Variants in SYBU observed in about 807,000 individuals in gnomAD.
SYBU encodes the protein syntabulin.
Under a neutral mutation model 35.9 loss-of-function variants are expected in SYBU, and 21 were observed. That is an observed-to-expected ratio of 0.58 (90% CI 0.41 to 0.84). SYBU has a LOEUF of 0.84. Among genes scored for constraint, SYBU ranks in the 40% least tolerant of loss-of-function variants. The pLI, the probability that SYBU is intolerant of heterozygous loss-of-function variation, is 0.00. For synonymous variants in SYBU, 319 were observed against 324.3 expected (o/e 0.98, Z 0.18); for missense variants, 768 against 848.2 (o/e 0.91, Z 1.17).
In SYBU at chr8:109,618,749, A is replaced by G. The variant is rs1586848031; in HGVS notation, c.427+93T>C. On this transcript the variant is annotated intron_variant, in intron 3 of 6. Coordinates refer to ENST00000276646, the MANE Select transcript of SYBU (RefSeq NM_001099754.2). ...TTAGATGCTGGGTACGGTATTTGTG[A>G]TCCCCGACTCGATATACAGGTGTTT... The G allele has an allele frequency of 2.6e-6, 3 of 1,154,442 alleles. No individual in the cohort carries two copies. In the East Asian group the frequency reaches 7.1e-5, roughly 27 times the overall value. 71.5% of individuals were successfully genotyped at this position (1,154,442 alleles called of 1,614,324 possible).
chr8:109,630,942 CG>C (rs1472442577), intron 2 of SYBU, among the ~76,000 whole-genome samples: 2 of 152,114 alleles, frequency 1.3e-5, no homozygotes, highest in African/African-American at 4.8e-5. Context: ...GAACGCTCAG[CG>C]GGGCGGTTCA....
intron 3 of SYBU, among the ~76,000 whole-genome samples, chr8:109,594,638 C>G (rs145043257): frequency 1.3e-5 from 2 of 152,274 alleles, no homozygotes; most frequent in Admixed American, 1.3e-4. Flanking sequence ...ATCTTCTCAA[C>G]CCACAGGTTC....
chr8:109,656,104 A>G (rs1816343116), intron 1 of SYBU, among the ~76,000 whole-genome samples: 1 of 139,128 alleles, frequency 7.2e-6, no homozygotes. Flanking sequence ...CAACAGAGCG[A>G]GACTCCGTCT....
intron 3 of SYBU, among the ~76,000 whole-genome samples, chr8:109,610,463 C>T (rs1403112679): frequency 6.6e-6 from 1 of 152,174 alleles, no homozygotes; most frequent in African/African-American, 2.4e-5. Flanking sequence ...CTTTAGACTC[C>T]TTCAGAGCGT....
Position 109,626,254 on chromosome 8 carries a change from G to T in SYBU, c.230-7215C>A, listed in dbSNP as rs748657675. Reference sequence around the variant, plus strand: ...TCTATTCTGTCAAATCTCTCCATACGTTCCTTTGTGATTTCTTCCAATACT... The same window carrying T: ...TCTATTCTGTCAAATCTCTCCATACTTTCCTTTGTGATTTCTTCCAATACT... On this transcript the variant is annotated intron_variant, in intron 2 of 6. Coordinates refer to ENST00000276646, the MANE Select transcript of SYBU (RefSeq NM_001099754.2). 3.3e-5 allele frequency among the ~76,000 whole-genome samples: 5 copies of T among 152,004 alleles called. No homozygotes were observed. The East Asian group carries it at 9.6e-4, about 29-fold the overall frequency.
upstream of SYBU, chr8:109,645,606 AAAGTTTTTGTTGTTGTTTCGTTT>A (rs761099430): frequency 5.3e-4 from 143 of 270,842 alleles, no homozygotes; most frequent in Non-Finnish European, 8.9e-4. Flanking sequence ...CTTTATGCCT[AAAGTTTTTGTTGTTGTTTCGTTT>A]TTTGTTTTTT....
In SYBU at chr8:109,584,109, G is replaced by A. The variant is rs1408439365; in HGVS notation, c.530+1951C>T. Among the ~76,000 whole-genome samples, 2 of 152,076 alleles carry A rather than the reference G, an allele frequency of 1.3e-5. No homozygotes were observed. Among genetic ancestry groups the A allele is most frequent in the Admixed American group, 6.5e-5 (1 of 15,278 alleles). On this transcript the variant is annotated intron_variant, in intron 4 of 6. Transcript: ENST00000276646. The surrounding 1 kb of genome is among the most constrained non-coding windows in gnomAD (Gnocchi z 4.0). ...GCTGGGATTATAGGCATGAGCCACT[G>A]TGCATGGCTGAGATTTTTAAAAACT...
At chr8:109,642,684 T>C in intron 2 of SYBU, 44 bp downstream of exon 2, 1 of 1,426,216 alleles carries the variant, frequency 7.0e-7, no homozygotes, top group South Asian at 1.4e-5. Flanking sequence ...GCACCTGCAG[T>C]GCACACGCTT....
At chr8:109,593,070 G>A (rs921498967) in intron 3 of SYBU, among the ~76,000 whole-genome samples, 3 of 152,200 alleles carry the variant, frequency 2.0e-5, no homozygotes, top group African/African-American at 7.2e-5. Context: ...TAATAATAGT[G>A]CAGATTTCTG....
At chr8:109,682,380 G>C (rs1817421489), upstream of SYBU, among the ~76,000 whole-genome samples, 1 of 152,204 alleles carries the variant, frequency 6.6e-6, no homozygotes, top group Non-Finnish European at 1.5e-5. Context: ...AGACAATTAA[G>C]TGCAGGCTGA....
intron 1 of SYBU, among the ~76,000 whole-genome samples, chr8:109,664,475 C>G (rs1816686134): frequency 6.6e-6 from 1 of 152,126 alleles, no homozygotes; most frequent in African/African-American, 2.4e-5. Context: ...CCAGTAGAGA[C>G]CAATTTGACT....
At chr8:109,586,233 C>A in intron 3 of SYBU, 71 bp from the exon 4 acceptor site, 1 of 1,133,472 alleles carries the variant, frequency 8.8e-7, no homozygotes, top group Non-Finnish European at 1.3e-6. Context: ...AGTTCCCTGC[C>A]TTCCAGGTCC....
chr8:109,668,226 C>T (rs1333110633), intron 1 of SYBU, among the ~76,000 whole-genome samples: 5 of 129,656 alleles, frequency 3.9e-5, no homozygotes, highest in African/African-American at 1.5e-4. Context: ...TAGGCATTTC[C>T]AGTTAAGGCC....
chr8:109,635,676 C>T (rs1814146929), intron 2 of SYBU, among the ~76,000 whole-genome samples: 1 of 152,182 alleles, frequency 6.6e-6, no homozygotes, highest in Admixed American at 6.5e-5. Flanking sequence ...TAGTTGGTGT[C>T]TAGACCCATC....
chr8:109,629,943 CTTT>C (rs531674730), intron 2 of SYBU, among the ~76,000 whole-genome samples: 1 of 151,892 alleles, frequency 6.6e-6, no homozygotes, highest in Non-Finnish European at 1.5e-5. Context: ...TAAATGTCTT[CTTT>C]TGAGAAGTGT....
At chr8:109,635,326 C>G (rs907387017) in intron 2 of SYBU, among the ~76,000 whole-genome samples, 2 of 152,208 alleles carry the variant, frequency 1.3e-5, no homozygotes, top group African/African-American at 2.4e-5. Flanking sequence ...GAAGTGGAGA[C>G]ATTGTCACAC....
At chr8:109,656,762 T>A (rs1001893746) in intron 1 of SYBU, among the ~76,000 whole-genome samples, 3 of 152,190 alleles carry the variant, frequency 2.0e-5, no homozygotes, top group Admixed American at 6.5e-5. Context: ...ACCTTGGTAG[T>A]ACAGATAGGT....
chr8:109,618,005 C>T (rs1357962752), intron 3 of SYBU, among the ~76,000 whole-genome samples: 1 of 152,192 alleles, frequency 6.6e-6, no homozygotes, highest in Non-Finnish European at 1.5e-5. Context: ...ACAATAATGT[C>T]ATCACCAAAC....
chr8:109,636,605 T>C (rs187259327), intron 2 of SYBU, among the ~76,000 whole-genome samples: 13 of 152,336 alleles, frequency 8.5e-5, no homozygotes, highest in Non-Finnish European at 1.8e-4. Flanking sequence ...CAGCTTCTTT[T>C]CTTTCTGCCT....
Sources: allele counts gnomAD v4.1 joint callset (sites outside exome capture counted in the v4.1 genomes callset), GRCh38; gene constraint gnomAD v4.1.1; non-coding constraint Gnocchi (gnomAD v3.1); transcripts MANE v1.5; gene names NCBI Gene and HGNC (gene_info 2026-07-23, HGNC 2026-07-21).